The following TMEM108 variants were observed in gnomAD, a reference collection of about 807,000 sequenced individuals.
TMEM108 encodes transmembrane protein 108.
A neutral mutation model predicts 35.1 loss-of-function variants in TMEM108; 12 were observed. The observed-to-expected ratio is 0.34, with a 90% CI of 0.22 to 0.55. The LOEUF is 0.55. Ranked by LOEUF, TMEM108 falls within the 20% of genes least tolerant of loss-of-function variation. The pLI is 0.89. For synonymous variants in TMEM108, 287 were observed against 308.6 expected (o/e 0.93, Z 0.73); for missense variants, 680 against 753.3 (o/e 0.90, Z 1.14).
At chr3:133,160,305 T>A (rs1351668460) in intron 2 of TMEM108, among the ~76,000 whole-genome samples, 1 of 152,212 alleles carries the variant, frequency 6.6e-6, no homozygotes, top group Non-Finnish European at 1.5e-5. Context: ...TTTCCTTGGT[T>A]AGTGGGTCTG....
intron 4 of TMEM108, chr3:133,388,958 C>T (rs2073193069): frequency 1.0e-6 from 1 of 985,478 alleles, no homozygotes; most frequent in African/African-American, 1.7e-5. Context: ...GGGACCCCGA[C>T]TCCCCAGCAC....
chr3:133,347,602 T>G (rs185306845), intron 3 of TMEM108, among the ~76,000 whole-genome samples: 54 of 152,226 alleles, frequency 3.5e-4, no homozygotes, highest in African/African-American at 1.2e-3. Context: ...TTATTTATTC[T>G]CAATCTGTAT....
intron 2 of TMEM108, among the ~76,000 whole-genome samples, chr3:133,127,468 C>A (rs1402042618): frequency 6.6e-6 from 1 of 151,678 alleles, no homozygotes; most frequent in Non-Finnish European, 1.5e-5. Flanking sequence ...TGTGGAACCA[C>A]AGACAAAGAG....
chr3:133,350,575 A>G (rs935987853), intron 3 of TMEM108, among the ~76,000 whole-genome samples: 5 of 152,186 alleles, frequency 3.3e-5, no homozygotes, highest in African/African-American at 1.2e-4. Flanking sequence ...CCAATTTGTC[A>G]ATTAAAAAAT....
intron 3 of TMEM108, among the ~76,000 whole-genome samples, chr3:133,374,892 G>C (rs1197288): frequency 0.27 from 40,783 of 152,096 alleles, 6,371 homozygotes; most frequent in East Asian, 0.42. Flanking sequence ...AGAGCCCCCT[G>C]GGGAGATGGG....
At chr3:133,263,065 A>G (rs1052792078) in intron 3 of TMEM108, among the ~76,000 whole-genome samples, 3 of 152,200 alleles carry the variant, frequency 2.0e-5, no homozygotes, top group Non-Finnish European at 4.4e-5. Flanking sequence ...ACCAATTGCT[A>G]TGTTCCCTTG....
In TMEM108 at chr3:133,253,927, G is replaced by A. The variant is rs1022907477; in HGVS notation, c.40+24576G>A. On this transcript the variant is annotated intron_variant, in intron 3 of 5. Coordinates refer to ENST00000321871, the MANE Select transcript of TMEM108 (RefSeq NM_023943.4). ...GTTCAAAATAATTCCAACAAATTCGGGAGGTAACTAATTAGATAATTTTAA... is the reference window on the plus strand; with the variant it reads ...GTTCAAAATAATTCCAACAAATTCGAGAGGTAACTAATTAGATAATTTTAA... 3.9e-5 allele frequency among the ~76,000 whole-genome samples: 6 copies of A among 152,144 alleles called. No individual in the cohort carries two copies. In the East Asian group the frequency reaches 1.2e-3, roughly 29 times the overall value.
intron 2 of TMEM108, among the ~76,000 whole-genome samples, chr3:133,177,360 A>G (rs1013690281): frequency 6.6e-6 from 1 of 152,138 alleles, no homozygotes; most frequent in Admixed American, 6.6e-5. Context: ...GAGACACAAC[A>G]AAAAAAGAGA....
chr3:133,227,699 A>G (rs542032038), intron 2 of TMEM108, among the ~76,000 whole-genome samples: 61 of 151,742 alleles, frequency 4.0e-4, no homozygotes, highest in African/African-American at 1.5e-3. Flanking sequence ...GATCAAGACC[A>G]TCCTGGCCAA....
At position 133,381,178 on chromosome 3, in the gene TMEM108, C is replaced by A. The variant is rs746085639; in HGVS notation, c.1450+17C>A. The A allele has an allele frequency of 6.4e-7, 1 of 1,571,580 alleles. No individual in the cohort carries two copies. The highest frequency in any genetic ancestry group is 8.7e-7 in the Non-Finnish European group (1 of 1,154,336). On this transcript the variant is annotated intron_variant, in intron 4 of 5. Coordinates refer to ENST00000321871, the MANE Select transcript of TMEM108 (RefSeq NM_023943.4). ...CCTCCTGCTGTAAGTGCCGCCCTCT[C>A]CCACCCATCCTCTCCCTCTACCACA...
At chr3:133,373,422 A>C (rs1193006941) in intron 3 of TMEM108, among the ~76,000 whole-genome samples, 1 of 151,544 alleles carries the variant, frequency 6.6e-6, no homozygotes, top group Non-Finnish European at 1.5e-5. Flanking sequence ...AGATAGATAG[A>C]TAGATAGATA....
chr3:133,132,004 C>A (rs760118224), intron 2 of TMEM108, among the ~76,000 whole-genome samples: 4 of 152,126 alleles, frequency 2.6e-5, no homozygotes, highest in Non-Finnish European at 5.9e-5. Context: ...GGTACTAACT[C>A]TTTTCAACTC....
chr3:133,230,418 C>T (rs1212644104), intron 3 of TMEM108, among the ~76,000 whole-genome samples: 1 of 152,150 alleles, frequency 6.6e-6, no homozygotes, highest in African/African-American at 2.4e-5. Context: ...TGGAAAGTCG[C>T]CAAGTGTTAT....
At chr3:133,108,617 AG>A (rs1295684077) in intron 2 of TMEM108, among the ~76,000 whole-genome samples, 1 of 151,944 alleles carries the variant, frequency 6.6e-6, no homozygotes, top group Admixed American at 6.6e-5. Flanking sequence ...GAAGCTCTTT[AG>A]TTTAATTAGA....
intron 1 of TMEM108, among the ~76,000 whole-genome samples, chr3:133,041,246 G>C (rs1252559010): frequency 2.0e-5 from 3 of 152,204 alleles, no homozygotes; most frequent in African/African-American, 7.2e-5. Flanking sequence ...CAAGATGAAA[G>C]CTCCTGTGGT....
At chr3:133,183,906 A>C (rs1462437027) in intron 2 of TMEM108, among the ~76,000 whole-genome samples, 2 of 152,132 alleles carry the variant, frequency 1.3e-5, no homozygotes, top group South Asian at 2.1e-4. Context: ...AGATGGCCGT[A>C]CCTACTTGGG....
intron 2 of TMEM108, among the ~76,000 whole-genome samples, chr3:133,077,599 G>A (rs1212735124): frequency 1.3e-5 from 2 of 152,208 alleles, no homozygotes; most frequent in South Asian, 4.1e-4. Context: ...GGGATATTTG[G>A]GTCACTTTTC....
intron 2 of TMEM108, among the ~76,000 whole-genome samples, chr3:133,162,375 T>C (rs1416995659): frequency 6.6e-6 from 1 of 152,160 alleles, no homozygotes; most frequent in African/African-American, 2.4e-5. Flanking sequence ...AGGGGAACTA[T>C]TAGAGACAAG....
intron 2 of TMEM108, among the ~76,000 whole-genome samples, chr3:133,166,863 C>T (rs966650110): frequency 2.0e-5 from 3 of 152,210 alleles, no homozygotes; most frequent in African/African-American, 7.2e-5. Context: ...GCTTTTATTC[C>T]CTTATCTGAC....
Sources: allele counts gnomAD v4.1 joint callset (sites outside exome capture counted in the v4.1 genomes callset), GRCh38; gene constraint gnomAD v4.1.1; transcripts MANE v1.5; gene names NCBI Gene and HGNC (gene_info 2026-07-23, HGNC 2026-07-21).